Variants in NRXN3 observed in about 807,000 individuals in gnomAD.
NRXN3 encodes neurexin 3.
A neutral mutation model predicts 137.6 loss-of-function variants in NRXN3; 32 were observed. The observed-to-expected ratio is 0.23, with a 90% CI of 0.18 to 0.31. NRXN3 has a LOEUF of 0.31. Ranked by LOEUF, NRXN3 falls within the 10% of genes least tolerant of loss-of-function variation. NRXN3 has a pLI of 1.00. For synonymous variants in NRXN3, 798 were observed against 784.5 expected (o/e 1.02, Z -0.29); for missense variants, 1,574 against 2,062.5 (o/e 0.76, Z 4.59).
intron 1 of NRXN3, among the ~76,000 whole-genome samples, chr14:78,208,588 G>A (rs1010079231): frequency 2.0e-5 from 3 of 152,194 alleles, no homozygotes; most frequent in African/African-American, 7.2e-5. Flanking sequence ...CTGTGCCCAT[G>A]TGTGTTTTAT....
intron 4 of NRXN3, among the ~76,000 whole-genome samples, chr14:78,538,563 A>G (rs1364761330): frequency 6.6e-6 from 1 of 152,154 alleles, no homozygotes; most frequent in Non-Finnish European, 1.5e-5. Context: ...CTGCAAATGG[A>G]GACAATTTGA....
intron 16 of NRXN3, among the ~76,000 whole-genome samples, chr14:79,550,828 A>G (rs1457913120): frequency 6.6e-6 from 1 of 152,326 alleles, no homozygotes; most frequent in Non-Finnish European, 1.5e-5. Context: ...AGGAGTAATC[A>G]TTATATCTAC....
At chr14:78,349,924 CT>C (rs1295573703) in intron 4 of NRXN3, among the ~76,000 whole-genome samples, 4 of 152,204 alleles carry the variant, frequency 2.6e-5, no homozygotes, top group Non-Finnish European at 4.4e-5. Context: ...CACCTAGCTC[CT>C]GCCAACTTGA....
intron 15 of NRXN3, among the ~76,000 whole-genome samples, chr14:79,287,702 G>C (rs149120012): frequency 1.0e-3 from 152 of 152,292 alleles, no homozygotes; most frequent in Middle Eastern, 3.4e-3. Flanking sequence ...TTCTTACTGA[G>C]AGACATGGTC....
Position 79,663,791 on chromosome 14 carries a change from T to C in NRXN3, c.3458T>C (p.Ile1153Thr). The C allele has an allele frequency of 6.2e-7, 1 of 1,612,778 alleles. No homozygotes were observed. Among genetic ancestry groups the C allele is most frequent in the Non-Finnish European group, 8.5e-7 (1 of 1,179,344 alleles). ...TCTTTATTATAGGAACAGGGGAAAA[T>C]TGGAGTTGTCTTCAACATTGGCACA... The part of the protein sequence containing the change: ...FLQLHIEQGK[I>T]GVVFNIGTVD... Residue 1153 changes from isoleucine (I) to threonine (T), a missense_variant, in exon 17 of 21, where the codon ATT becomes ACT. Ile to Thr is a moderately conservative substitution (Grantham distance 89, BLOSUM62 -1). Coordinates refer to ENST00000335750, the MANE Select transcript of NRXN3 (RefSeq NM_001330195.2).
At chr14:78,483,395 A>G (rs2095505038) in intron 4 of NRXN3, among the ~76,000 whole-genome samples, 1 of 152,212 alleles carries the variant, frequency 6.6e-6, no homozygotes, top group Non-Finnish European at 1.5e-5. Context: ...TACTGACTTC[A>G]GCATGGAGAC....
intron 15 of NRXN3, among the ~76,000 whole-genome samples, chr14:78,991,438 A>G (rs950135136): frequency 2.0e-5 from 3 of 152,254 alleles, no homozygotes; most frequent in Admixed American, 1.3e-4. Flanking sequence ...CCATGCAAAT[A>G]GGTTAGAGAT....
intron 15 of NRXN3, among the ~76,000 whole-genome samples, chr14:79,135,388 C>T (rs981781982): frequency 3.3e-5 from 5 of 152,060 alleles, no homozygotes; most frequent in African/African-American, 9.7e-5. Context: ...ATCCTAGGTA[C>T]CTCTCCTAAA....
At chr14:78,646,524 G>C (rs550566242) in intron 5 of NRXN3, among the ~76,000 whole-genome samples, 1 of 152,192 alleles carries the variant, frequency 6.6e-6, no homozygotes, top group East Asian at 1.9e-4. Flanking sequence ...ATGTGAAAGC[G>C]TAAGAAATGA....
intron 10 of NRXN3, among the ~76,000 whole-genome samples, chr14:78,868,856 G>GAAAC (rs2099094301): frequency 6.6e-6 from 1 of 151,690 alleles, no homozygotes; most frequent in Non-Finnish European, 1.5e-5. Context: ...AAATAAAAAA[G>GAAAC]AAACATAGCT....
chr14:79,314,217 G>T (rs1266087919), intron 15 of NRXN3: 42 of 137,850 alleles, frequency 3.0e-4, no homozygotes, highest in African/African-American at 1.1e-3. Context: ...CGCACCGTGC[G>T]CGAGCCGAAG....
intron 15 of NRXN3, among the ~76,000 whole-genome samples, chr14:79,407,949 T>C (rs1284133988): frequency 6.6e-6 from 1 of 152,188 alleles, no homozygotes; most frequent in Non-Finnish European, 1.5e-5. Flanking sequence ...GGAGGGAAGT[T>C]GAATATTGGT....
At chr14:78,640,105 T>A (rs745361940) in intron 4 of NRXN3, among the ~76,000 whole-genome samples, 1 of 152,210 alleles carries the variant, frequency 6.6e-6, no homozygotes, top group South Asian at 2.1e-4. Flanking sequence ...GTATCCACAC[T>A]TTGGTTTCCT....
rs895421252 is a variant in NRXN3, at chr14:78,247,005, A to G, written c.709+3203A>G. On this transcript the variant is annotated intron_variant, in intron 2 of 20. Coordinates refer to ENST00000335750, the MANE Select transcript of NRXN3 (RefSeq NM_001330195.2). ...GATGGTGTGAAGGCTTGCACCTGGC[A>G]TGGAAGGTCCGTTTTGTACTTCTTG... Among the ~76,000 whole-genome samples the G allele has an allele frequency of 3.3e-5, 5 of 152,230 alleles. No homozygotes were observed. In the East Asian group the frequency reaches 9.6e-4, roughly 29 times the overall value.
intron 19 of NRXN3, among the ~76,000 whole-genome samples, chr14:79,706,801 C>T (rs901563164): frequency 6.6e-6 from 1 of 152,090 alleles, no homozygotes; most frequent in African/African-American, 2.4e-5. Context: ...TGACACACCG[C>T]CCCCCTTTCA....
intron 15 of NRXN3, among the ~76,000 whole-genome samples, chr14:79,190,416 C>CT (rs1404453904): frequency 3.3e-5 from 5 of 152,132 alleles, no homozygotes; most frequent in Non-Finnish European, 7.4e-5. Flanking sequence ...TGTGAAACCT[C>CT]ATTCCTTATG....
chr14:78,532,375 T>TTGTG (rs56788209), intron 4 of NRXN3, among the ~76,000 whole-genome samples: 12,281 of 138,458 alleles, frequency 0.089, 770 homozygotes, highest in African/African-American at 0.19. Flanking sequence ...TGATGATATT[T>TTGTG]TGTGTGTGTG....
At chr14:79,807,655 C>T (rs2099213420) in intron 20 of NRXN3, among the ~76,000 whole-genome samples, 1 of 152,080 alleles carries the variant, frequency 6.6e-6, no homozygotes, top group Admixed American at 6.6e-5. Context: ...GTTTTTAGAA[C>T]AATCTGTTGT....
chr14:78,724,322 A>G (rs2098473438), intron 8 of NRXN3, among the ~76,000 whole-genome samples: 1 of 152,230 alleles, frequency 6.6e-6, no homozygotes, highest in African/African-American at 2.4e-5. Context: ...AAGGACTGTT[A>G]AGAGGAAAAA....
Sources: allele counts gnomAD v4.1 joint callset (sites outside exome capture counted in the v4.1 genomes callset), GRCh38; gene constraint gnomAD v4.1.1; transcripts MANE v1.5; gene names NCBI Gene and HGNC (gene_info 2026-07-23, HGNC 2026-07-21).